The following ATM variants were observed in gnomAD, a reference collection of about 807,000 sequenced individuals.
The protein encoded by ATM is ATM serine/threonine kinase.
ATM carries 308 observed loss-of-function variants against 387.0 expected under a neutral mutation model. The ratio of observed to expected loss-of-function variants is 0.80; its 90% CI spans 0.73 to 0.87. ATM has a LOEUF of 0.87. ATM is among the 40% of genes least tolerant of loss of function. The probability of loss-of-function intolerance (pLI) is 0.00; values close to 1 mark genes in which losing one functional copy is unlikely to be tolerated. For missense variants in ATM, 3,312 were observed against 3,560.9 expected (o/e 0.93, Z 1.78); for synonymous variants, 1,156 against 1,187.3 (o/e 0.97, Z 0.54).
rs2081636353 is a variant in ATM at position 108,272,515 on chromosome 11, A to G, written c.3078-17A>G. The G allele has an allele frequency of 6.3e-7, 1 of 1,595,918 alleles. No individual in the cohort carries two copies. The highest frequency in any genetic ancestry group is 1.3e-5 in the African/African-American group (1 of 74,478). ...TCAGAATGATTATTTAACTTTGGAA[A>G]ACTTACTTGATTTCAGGCATCTAAC... On this transcript the variant is annotated splice_polypyrimidine_tract_variant and intron_variant, in intron 20 of 62. Coordinates refer to ENST00000675843, the MANE Select transcript of ATM (RefSeq NM_000051.4).
intron 61 of ATM, among the ~76,000 whole-genome samples, chr11:108,356,538 C>CT (rs201856561): frequency 6.0e-5 from 6 of 99,342 alleles, no homozygotes; most frequent in African/African-American, 1.9e-4. Context: ...CTCTGTCTGT[C>CT]TTAAAAAAAA....
chr11:108,309,157 A>AT, intron 38 of ATM: 1 of 740,248 alleles, frequency 1.4e-6, no homozygotes, highest in East Asian at 2.7e-5. Flanking sequence ...ATTACTTGTT[A>AT]TCCTGTACAG....
chr11:108,297,080 A>C (rs1259517823), intron 32 of ATM: 1 of 552,714 alleles, frequency 1.8e-6, no homozygotes, highest in Non-Finnish European at 3.2e-6. Flanking sequence ...CTCTGTTGTC[A>C]CATATTGCTA....
At chr11:108,246,906 C>A (rs2135263134) in intron 7 of ATM, 58 bp from the exon 8 acceptor site, 1 of 1,396,170 alleles carries the variant, frequency 7.2e-7, no homozygotes, top group Non-Finnish European at 1.0e-6. Context: ...TTTGTGGGAG[C>A]TAGCAGTGTA....
intron 60 of ATM, among the ~76,000 whole-genome samples, 190 bp downstream of exon 60, chr11:108,354,070 A>AACACACACACACACAC (rs71047689): frequency 1.7e-4 from 19 of 114,932 alleles, no homozygotes; most frequent in African/African-American, 4.7e-4. Flanking sequence ...CACACACACA[A>AACACACACACACACAC]ACACACACAC....
chr11:108,312,213 T>C (rs1371672810), intron 39 of ATM, among the ~76,000 whole-genome samples, 198 bp from the exon 40 acceptor site: 1 of 152,238 alleles, frequency 6.6e-6, no homozygotes, highest in East Asian at 1.9e-4. Flanking sequence ...ATGTAGATTA[T>C]TCTTAAAATA....
Position 108,334,006 on chromosome 11 carries a change from A to G in ATM, c.8010+38A>G. 6.7e-7 allele frequency: 1 copy of G among 1,487,610 alleles called. No individual in the cohort carries two copies. The highest frequency in any genetic ancestry group is 1.1e-5 in the South Asian group (1 of 87,838). The allele number at this position is 1,487,610 out of a possible 1,614,324, so 92.2% of individuals were successfully genotyped here. Reference sequence around the variant, plus strand: ...TAACTCTTGATTTTTTTTAAACTAAATTTTTTTTATTAGATTGAACCATTT... The same window carrying G: ...TAACTCTTGATTTTTTTTAAACTAAGTTTTTTTTATTAGATTGAACCATTT... On this transcript the variant is annotated intron_variant, in intron 54 of 62. Transcript: ENST00000675843.
At chr11:108,246,606 C>G (rs557766281) in intron 7 of ATM, among the ~76,000 whole-genome samples, 2 of 152,104 alleles carry the variant, frequency 1.3e-5, no homozygotes, top group African/African-American at 2.4e-5. Context: ...GTTGAAGGAA[C>G]TCGTAATATT....
rs997879955 is a variant in ATM, at chr11:108,366,602, C to T, written c.*1094C>T. Reference sequence around the variant, plus strand: ...GGGAATCTTGAGTGTCTGTTTATGTCATATTCCCAGGGCTGTTGCTGCACA... The same window carrying T: ...GGGAATCTTGAGTGTCTGTTTATGTTATATTCCCAGGGCTGTTGCTGCACA... On this transcript the variant is annotated 3_prime_UTR_variant, in exon 63 of 63. Coordinates refer to ENST00000675843, the MANE Select transcript of ATM (RefSeq NM_000051.4). 8.7e-6 allele frequency: 2 copies of T among 230,366 alleles called. No individual in the cohort carries two copies. The highest frequency in any genetic ancestry group is 4.4e-5 in the African/African-American group (2 of 45,142). 14.3% of individuals were successfully genotyped at this position (230,366 alleles called of 1,614,324 possible).
intron 5 of ATM, among the ~76,000 whole-genome samples, chr11:108,240,059 C>A (rs551801674): frequency 1.4e-4 from 22 of 152,190 alleles, no homozygotes; most frequent in Non-Finnish European, 2.4e-4. Flanking sequence ...ACATCTTGCA[C>A]CAGTGGTACA....
chr11:108,331,651 T>C (rs1270729964), intron 51 of ATM, 94 bp downstream of exon 51: 4 of 1,417,958 alleles, frequency 2.8e-6, no homozygotes, highest in African/African-American at 2.9e-5. Flanking sequence ...CTCTAAGAAA[T>C]GGAAATACAA....
At position 108,279,367 on chromosome 11, in the gene ATM, G is replaced by T. The variant is rs45543334; in HGVS notation, c.3285-124G>T. 1,400 of 732,582 alleles carry T rather than the reference G, an allele frequency of 1.9e-3. 1 individual carries two copies. The highest frequency in any genetic ancestry group is 4.2e-3 in the Middle Eastern group (13 of 3,110). The allele number at this position is 732,582 out of a possible 1,614,324, so 45.4% of individuals were successfully genotyped here. A position where few individuals can be genotyped will look rare whatever the true frequency, so the allele number is the denominator to read the frequency against. On this transcript the variant is annotated intron_variant, in intron 22 of 62. Coordinates refer to ENST00000675843, the MANE Select transcript of ATM (RefSeq NM_000051.4). Reference sequence around the variant, plus strand: ...AGGTTTTGTTAGTCTTTAAGAAAGAGCTAGTATGTTATTATGTCTCACAGA... The same window carrying T: ...AGGTTTTGTTAGTCTTTAAGAAAGATCTAGTATGTTATTATGTCTCACAGA...
intron 13 of ATM, 54 bp from the exon 14 acceptor site, chr11:108,256,161 G>A (rs2135390894): frequency 7.0e-7 from 1 of 1,421,048 alleles, no homozygotes; most frequent in East Asian, 2.7e-5. Context: ...AAAAGATAGA[G>A]TATACTAAAT....
chr11:108,295,146 AC>A, intron 32 of ATM, 87 bp downstream of exon 32: 1 of 1,536,804 alleles, frequency 6.5e-7, no homozygotes, highest in Non-Finnish European at 9.0e-7. Context: ...TTTCATTGTC[AC>A]AGACTTAGTT....
intron 58 of ATM, 88 bp from the exon 59 acceptor site, chr11:108,347,191 A>G (rs2088525815): frequency 9.9e-7 from 1 of 1,011,446 alleles, no homozygotes; most frequent in Non-Finnish European, 1.6e-6. Context: ...AGATTATACC[A>G]AGTCAGTGGT....
At chr11:108,338,151 C>A (rs1042802423) in intron 56 of ATM, among the ~76,000 whole-genome samples, 3 of 152,204 alleles carry the variant, frequency 2.0e-5, no homozygotes, top group African/African-American at 7.2e-5. Context: ...GAGTTTGAGA[C>A]CAGCCTGGCC....
At chr11:108,326,573 G>T (rs2085705373) in intron 47 of ATM, among the ~76,000 whole-genome samples, 1 of 152,174 alleles carries the variant, frequency 6.6e-6, no homozygotes, top group Non-Finnish European at 1.5e-5. Context: ...ATGAATGAGA[G>T]AACTAAATTA....
chr11:108,356,979 T>G (rs762418945), intron 61 of ATM, among the ~76,000 whole-genome samples: 5 of 151,988 alleles, frequency 3.3e-5, no homozygotes, highest in Non-Finnish European at 5.9e-5. Context: ...GGTATACAGC[T>G]CCCAGCGTGA....
chr11:108,347,118 T>C (rs1591272639), intron 58 of ATM, among the ~76,000 whole-genome samples, 161 bp from the exon 59 acceptor site: 1 of 152,210 alleles, frequency 6.6e-6, no homozygotes, highest in East Asian at 1.9e-4. Flanking sequence ...AAGATTTGAG[T>C]TAAACTCAAC....
Sources: allele counts gnomAD v4.1 joint callset (sites outside exome capture counted in the v4.1 genomes callset), GRCh38; gene constraint gnomAD v4.1.1; transcripts MANE v1.5; gene names NCBI Gene and HGNC (gene_info 2026-07-23, HGNC 2026-07-21).